The following TMEM255B variants were observed in gnomAD, a reference collection of about 807,000 sequenced individuals.
TMEM255B encodes family with sequence similarity 70, member B.
TMEM255B carries 35 observed loss-of-function variants against 34.5 expected under a neutral mutation model. The ratio of observed to expected loss-of-function variants is 1.01; its 90% CI spans 0.77 to 1.34. TMEM255B has a LOEUF of 1.34. TMEM255B is among the 40% of genes most tolerant of loss of function. The probability of loss-of-function intolerance (pLI) is 0.00; values close to 1 mark genes in which losing one functional copy is unlikely to be tolerated. For synonymous variants in TMEM255B, 206 were observed against 201.2 expected (o/e 1.02, Z -0.20); for missense variants, 432 against 433.2 (o/e 1.00, Z 0.02).
At chr13:113,799,577 TG>T (rs1289772242) in intron 5 of TMEM255B, 158 bp downstream of exon 5, 4 of 676,386 alleles carry the variant, frequency 5.9e-6, no homozygotes, top group Non-Finnish European at 7.8e-6. Context: ...CCCCTGTGTT[TG>T]GGACCTTGAC....
chr13:113,779,153 T>C (rs1381014035), intron 3 of TMEM255B, among the ~76,000 whole-genome samples: 1 of 152,044 alleles, frequency 6.6e-6, no homozygotes, highest in Non-Finnish European at 1.5e-5. Flanking sequence ...TGGTCAAAGG[T>C]GTCATTTGTG....
rs116332242 is a variant in TMEM255B, at chr13:113,777,507, G to T, written c.252+8347G>T. ...CTGCTGTGGGGCCGAGGGGAGGCGC[G>T]GTGGCCCCGGCTGTGTCTCTGGGGG... On this transcript the variant is annotated intron_variant, in intron 3 of 8. Transcript: ENST00000375353. 8.3e-3 allele frequency among the ~76,000 whole-genome samples: 1,266 copies of T among 152,284 alleles called. 21 individuals carry two copies. Among genetic ancestry groups the T allele is most frequent in the African/African-American group, 0.029 (1,205 of 41,562 alleles).
chr13:113,804,705 T>G (rs1355284125), intron 7 of TMEM255B, among the ~76,000 whole-genome samples, 180 bp from the exon 8 acceptor site: 1 of 145,656 alleles, frequency 6.9e-6, no homozygotes, highest in Non-Finnish European at 1.5e-5. Flanking sequence ...AGCTCCAGCC[T>G]GGGTATAAAC....
intron 3 of TMEM255B, among the ~76,000 whole-genome samples, chr13:113,786,005 G>A (rs991720685): frequency 1.5e-4 from 23 of 152,284 alleles, no homozygotes; most frequent in African/African-American, 4.8e-4. Context: ...CAAAGCACAC[G>A]AACATTCACA....
chr13:113,796,380 TCACAC>T (rs1418063582), intron 4 of TMEM255B, among the ~76,000 whole-genome samples: 1 of 50,922 alleles, frequency 2.0e-5, no homozygotes, highest in African/African-American at 9.6e-5. Context: ...AGTACACACC[TCACAC>T]CACACAGAGC....
Position 113,806,491 on chromosome 13 carries a change from G to A in TMEM255B, c.813+1463G>A, listed in dbSNP as rs918504663. ...CTCTCACTTCGAATATAAAGCTGGG[G>A]CCCTGCTCCCTGGGAACACAAGGCC... is the stretch of plus-strand genomic sequence containing the variant. On this transcript the variant is annotated intron_variant, in intron 8 of 8. Coordinates refer to ENST00000375353, the MANE Select transcript of TMEM255B (RefSeq NM_182614.4). The surrounding 1 kb of genome is among the most constrained non-coding windows in gnomAD (Gnocchi z 4.2). Among the ~76,000 whole-genome samples the A allele has an allele frequency of 1.3e-5, 2 of 152,170 alleles. No individual in the cohort carries two copies. Among genetic ancestry groups the A allele is most frequent in the Admixed American group, 6.5e-5 (1 of 15,286 alleles).
At chr13:113,783,583 GAAAATCAGACGTGGAGA>G (rs2050697091) in intron 3 of TMEM255B, among the ~76,000 whole-genome samples, 1 of 152,176 alleles carries the variant, frequency 6.6e-6, no homozygotes, top group African/African-American at 2.4e-5. Flanking sequence ...CAGACGTGGA[GAAAATCAGACGTGGAGA>G]AAGGGCCATG....
chr13:113,768,966 T>G, intron 2 of TMEM255B, 132 bp from the exon 3 acceptor site: 8 of 940,444 alleles, frequency 8.5e-6, no homozygotes, highest in South Asian at 1.4e-5. Context: ...TTGAGGTTCT[T>G]GAGGTAGGGA....
At chr13:113,771,686 A>G (rs1427953663) in intron 3 of TMEM255B, among the ~76,000 whole-genome samples, 1 of 152,030 alleles carries the variant, frequency 6.6e-6, no homozygotes, top group Non-Finnish European at 1.5e-5. Flanking sequence ...CTCAAATAAT[A>G]ATAATAACAA....
intron 3 of TMEM255B, among the ~76,000 whole-genome samples, chr13:113,793,776 C>T (rs1052463394): frequency 9.2e-5 from 14 of 152,250 alleles, no homozygotes; most frequent in African/African-American, 3.4e-4. Flanking sequence ...CGCAAAAGGG[C>T]TTGGCCAGCA....
intron 8 of TMEM255B, among the ~76,000 whole-genome samples, chr13:113,805,257 G>A (rs939319012): frequency 2.0e-5 from 3 of 152,218 alleles, no homozygotes; most frequent in Non-Finnish European, 4.4e-5. Flanking sequence ...TGCTCTGCCG[G>A]CAGCTGGCTC....
chr13:113,785,201 A>G (rs1359437802), intron 3 of TMEM255B, among the ~76,000 whole-genome samples: 1 of 150,330 alleles, frequency 6.7e-6, no homozygotes, highest in East Asian at 1.9e-4. Context: ...GTCAAAGGGA[A>G]CTTAAAATGG....
At chr13:113,765,591 A>G (rs894903061) in intron 1 of TMEM255B, among the ~76,000 whole-genome samples, 8 of 152,174 alleles carry the variant, frequency 5.3e-5, no homozygotes, top group Non-Finnish European at 1.0e-4. Flanking sequence ...AGGGATCAAG[A>G]TGATTCAGTT....
intron 3 of TMEM255B, 88 bp from the exon 4 acceptor site, chr13:113,795,060 C>T (rs1159442264): frequency 8.8e-6 from 11 of 1,245,658 alleles, no homozygotes; most frequent in African/African-American, 3.0e-5. Flanking sequence ...AAAGAAGCCC[C>T]GACCTCGAGC....
intron 3 of TMEM255B, among the ~76,000 whole-genome samples, chr13:113,772,931 A>G (rs538113162): frequency 5.9e-5 from 9 of 152,318 alleles, no homozygotes; most frequent in African/African-American, 2.2e-4. Context: ...GTCAATTTCT[A>G]CAAGGAAGCC....
At chr13:113,761,117 C>A (rs1015447802) in intron 1 of TMEM255B, 1 of 914,066 alleles carries the variant, frequency 1.1e-6, no homozygotes, top group African/African-American at 1.8e-5. Flanking sequence ...TACAGTTTTA[C>A]CTGGGATTGT....
chr13:113,771,941 TG>T (rs1227425082), intron 3 of TMEM255B, among the ~76,000 whole-genome samples: 3 of 152,202 alleles, frequency 2.0e-5, no homozygotes, highest in Non-Finnish European at 2.9e-5. Context: ...TTTTCCAAAG[TG>T]GCTGCCCCAT....
chr13:113,795,057 C>A, intron 3 of TMEM255B, 91 bp from the exon 4 acceptor site: 1 of 1,180,692 alleles, frequency 8.5e-7, no homozygotes, highest in Non-Finnish European at 1.2e-6. Context: ...GTGAAAGAAG[C>A]CCCGACCTCG....
intron 8 of TMEM255B, 34 bp from the exon 9 acceptor site, chr13:113,811,702 C>G: frequency 6.2e-7 from 1 of 1,611,928 alleles, no homozygotes; most frequent in Non-Finnish European, 8.5e-7. Flanking sequence ...GGTGGTCTCA[C>G]CTGCTAACCC....
Sources: gnomAD v4.1 joint callset for allele counts (sites outside exome capture counted in the v4.1 genomes callset) on GRCh38, gnomAD v4.1.1 for gene constraint, Gnocchi (gnomAD v3.1) non-coding constraint, MANE v1.5 for transcripts, NCBI Gene and HGNC (gene_info 2026-07-23, HGNC 2026-07-21) for gene names.